Variants in TMED3 observed in about 807,000 individuals in gnomAD.
The protein encoded by TMED3 is transmembrane p24 trafficking protein 3, also known as transmembrane emp24 domain-containing protein 3.
A neutral mutation model predicts 15.0 loss-of-function variants in TMED3; 9 were observed. The ratio of observed to expected loss-of-function variants is 0.60; its 90% CI spans 0.36 to 1.04. The LOEUF is 1.04. Among genes scored for constraint, TMED3 ranks in the 50% least tolerant of loss-of-function variants. The pLI is 0.01. For missense variants in TMED3, 267 were observed against 278.9 expected, an observed-to-expected ratio of 0.96 and a Z score of 0.30; for synonymous variants, 117 against 121.4, an observed-to-expected ratio of 0.96 and a Z score of 0.24.
chr15:79,312,286 A>C (rs549792836), intron 1 of TMED3, among the ~76,000 whole-genome samples: 2 of 152,298 alleles, frequency 1.3e-5, no homozygotes, highest in East Asian at 1.9e-4. Context: ...CTTGGAGACA[A>C]CTTCTATGTG....
At chr15:79,374,467 A>C (rs1383014360) in intron 2 of TMED3, among the ~76,000 whole-genome samples, 1 of 152,152 alleles carries the variant, frequency 6.6e-6, no homozygotes, top group Non-Finnish European at 1.5e-5. Flanking sequence ...GGGGCTTAGA[A>C]TTTTATTTTT....
At chr15:79,345,007 A>G (rs537557919) in intron 2 of TMED3, among the ~76,000 whole-genome samples, 3 of 152,306 alleles carry the variant, frequency 2.0e-5, no homozygotes, top group Non-Finnish European at 4.4e-5. Flanking sequence ...AGAAAGAGAG[A>G]AAACAGGGGG....
chr15:79,382,937 G>A (rs952380953), intron 2 of TMED3: 1 of 1,534,036 alleles, frequency 6.5e-7, no homozygotes, highest in Non-Finnish European at 8.7e-7. Flanking sequence ...TCAATTACAA[G>A]GGCATAAACA....
chr15:79,383,248 C>T (rs1346162470), intron 2 of TMED3: 1 of 555,616 alleles, frequency 1.8e-6, no homozygotes, highest in Admixed American at 3.1e-5. Flanking sequence ...ATGTGGCTGC[C>T]TTTGCTATCT....
intron 2 of TMED3, among the ~76,000 whole-genome samples, chr15:79,404,987 G>C (rs1421130151): frequency 6.6e-6 from 1 of 152,208 alleles, no homozygotes; most frequent in African/African-American, 2.4e-5. Context: ...GGTGGCACTG[G>C]TGTGTCAAAG....
At chr15:79,405,754 A>G (rs777818663) in intron 2 of TMED3, among the ~76,000 whole-genome samples, 2 of 152,188 alleles carry the variant, frequency 1.3e-5, no homozygotes, top group Admixed American at 6.5e-5. Flanking sequence ...TGTCATTCAT[A>G]TAGTGGGCCA....
At chr15:79,371,819 G>A (rs560230472) in intron 2 of TMED3, among the ~76,000 whole-genome samples, 12 of 152,274 alleles carry the variant, frequency 7.9e-5, no homozygotes, top group South Asian at 4.1e-4. Context: ...TGCAACCTCT[G>A]GTTATGCACC....
At chr15:79,358,735 T>C (rs1893065146) in intron 2 of TMED3, among the ~76,000 whole-genome samples, 1 of 152,258 alleles carries the variant, frequency 6.6e-6, no homozygotes, top group South Asian at 2.1e-4. Flanking sequence ...ATTTGCCTGA[T>C]GCTTAAAACG....
intron 2 of TMED3, among the ~76,000 whole-genome samples, chr15:79,337,225 C>G (rs554531711): frequency 1.6e-4 from 25 of 152,298 alleles, no homozygotes; most frequent in African/African-American, 6.0e-4. Flanking sequence ...CCTGAGACCT[C>G]TCTCCTTGGC....
chr15:79,320,276 G>A (rs1196270705), intron 2 of TMED3, among the ~76,000 whole-genome samples: 3 of 152,072 alleles, frequency 2.0e-5, no homozygotes, highest in East Asian at 1.9e-4. Context: ...TCCTATCTCT[G>A]TGTGGCCTGG....
chr15:79,341,778 T>G (rs2058852628), intron 2 of TMED3, among the ~76,000 whole-genome samples: 1 of 152,224 alleles, frequency 6.6e-6, no homozygotes, highest in South Asian at 2.1e-4. Flanking sequence ...TTTCGGCGGT[T>G]TCAACTACCA....
chr15:79,383,230 G>A (rs988820660), intron 2 of TMED3: 6 of 561,044 alleles, frequency 1.1e-5, no homozygotes, highest in African/African-American at 9.4e-5. Context: ...CCAGCTACCC[G>A]ATTTCCAATG....
At chr15:79,378,070 G>A (rs12909101) in intron 2 of TMED3, among the ~76,000 whole-genome samples, 21,909 of 151,934 alleles carry the variant, frequency 0.14, 1,737 homozygotes, top group African/African-American at 0.21. Flanking sequence ...ATATTTATTG[G>A]TCATGCCATC....
rs559172847 is a variant in TMED3 at position 79,314,047 on chromosome 15, C to T, written c.417+42C>T. The T allele has an allele frequency of 1.5e-4, 245 of 1,604,888 alleles. 3 individuals are homozygous for T. In the South Asian group the frequency reaches 2.5e-3, roughly 17 times the overall value. On this transcript the variant is annotated intron_variant, in intron 2 of 2. Coordinates refer to ENST00000299705, the MANE Select transcript of TMED3 (RefSeq NM_007364.4). ...AGTTCGGGGCTGCTGAACCCCCTAG[C>T]GTGTTCCTCTTCATTGGCCTCTGTC...
chr15:79,315,098 C>T (rs925561910), intron 2 of TMED3, among the ~76,000 whole-genome samples: 2 of 152,166 alleles, frequency 1.3e-5, no homozygotes, highest in African/African-American at 2.4e-5. Context: ...TCTTCTGGGC[C>T]GCCTTCCAAG....
At chr15:79,357,324 GA>G (rs34231915) in intron 2 of TMED3, among the ~76,000 whole-genome samples, 33 of 144,168 alleles carry the variant, frequency 2.3e-4, no homozygotes, top group African/African-American at 3.6e-4. Flanking sequence ...CATTTCTACA[GA>G]AAAAAAAAAA....
At chr15:79,411,474 C>G (rs753170941) in exon 3 of TMED3, 7 of 702,346 alleles carry the variant, frequency 1.0e-5, no homozygotes, top group Non-Finnish European at 1.3e-5. Flanking sequence ...CACCTGCCAC[C>G]GAGGGACTGG....
At chr15:79,312,142 C>T (rs943350541) in intron 1 of TMED3, among the ~76,000 whole-genome samples, 1 of 152,198 alleles carries the variant, frequency 6.6e-6, no homozygotes, top group African/African-American at 2.4e-5. Context: ...AAGTGGGCAT[C>T]ATACTCAGAC....
intron 2 of TMED3, among the ~76,000 whole-genome samples, chr15:79,342,009 A>G (rs962447089): frequency 6.6e-6 from 1 of 152,228 alleles, no homozygotes; most frequent in Admixed American, 6.5e-5. Context: ...CAAAATAAAA[A>G]TGACACATAA....
Sources: gnomAD v4.1 joint callset for allele counts (sites outside exome capture counted in the v4.1 genomes callset) on GRCh38, gnomAD v4.1.1 for gene constraint, MANE v1.5 for transcripts, NCBI Gene and HGNC (gene_info 2026-07-23, HGNC 2026-07-21) for gene names.